TUSC3: variants seen among roughly 807,000 people sequenced by gnomAD.
The protein encoded by TUSC3 is tumor suppressor candidate 3.
A neutral mutation model predicts 44.8 loss-of-function variants in TUSC3; 45 were observed. The ratio of observed to expected loss-of-function variants is 1.00; its 90% CI spans 0.79 to 1.29. The LOEUF (loss-of-function observed/expected upper bound fraction) is 1.29, where lower values mean the gene tolerates loss of function less well. Among genes scored for constraint, TUSC3 ranks in the 50% most tolerant of loss-of-function variants. The pLI is 0.00. For synonymous variants in TUSC3, 212 were observed against 152.9 expected (o/e 1.39, Z -2.85); for missense variants, 519 against 437.9 (o/e 1.19, Z -1.65).
Position 15,548,328 on chromosome 8 carries a change from A to G in TUSC3, c.138+7760A>G, listed in dbSNP as rs149979960. Among the ~76,000 whole-genome samples the G allele has an allele frequency of 5.5e-3, 842 of 151,958 alleles. 13 individuals are homozygous for G. The highest frequency in any genetic ancestry group is 0.018 in the African/African-American group (753 of 41,524). On this transcript the variant is annotated intron_variant, in intron 1 of 10. Transcript: ENST00000503731. ...TTGCCAGCCCTAAGCAATAATTTCT[A>G]TCAGTTAAAGATCATCATTATTTCA...
chr8:15,556,024 A>G (rs1248254161), intron 1 of TUSC3, among the ~76,000 whole-genome samples: 1 of 149,966 alleles, frequency 6.7e-6, no homozygotes, highest in Non-Finnish European at 1.5e-5. Flanking sequence ...TTTTTATTAT[A>G]CTTTAAGTTT....
chr8:15,445,590 C>T (rs1353668764), intron 1 of TUSC3, among the ~76,000 whole-genome samples: 1 of 152,120 alleles, frequency 6.6e-6, no homozygotes, highest in Non-Finnish European at 1.5e-5. Flanking sequence ...TCCATTTAAC[C>T]CTGAGTGGAC....
At chr8:15,524,500 AT>A (rs1233210864) in intron 2 of TUSC3, among the ~76,000 whole-genome samples, 2 of 152,250 alleles carry the variant, frequency 1.3e-5, no homozygotes, top group African/African-American at 4.8e-5. Flanking sequence ...TAAAGCCTAT[AT>A]TTTTTTCTTA....
chr8:15,800,625 G>C, the TUSC3 span, among the ~76,000 whole-genome samples: 141 of 151,846 alleles, frequency 9.3e-4, no homozygotes, highest in Non-Finnish European at 1.6e-3. Context: ...GGGATGAGCA[G>C]ATTTCAGAGC....
chr8:15,582,956 C>T (rs926927041), intron 1 of TUSC3, among the ~76,000 whole-genome samples: 1 of 152,180 alleles, frequency 6.6e-6, no homozygotes, highest in Non-Finnish European at 1.5e-5. Flanking sequence ...GCAATTCTTG[C>T]TTCCCAAATC....
the TUSC3 span, among the ~76,000 whole-genome samples, chr8:15,845,219 G>T: frequency 3.3e-5 from 5 of 152,126 alleles, no homozygotes; most frequent in Non-Finnish European, 7.4e-5. Flanking sequence ...CTAATCAGAT[G>T]TGGGCTAAGT....
intron 1 of TUSC3, among the ~76,000 whole-genome samples, chr8:15,432,457 T>C (rs1372410206): frequency 6.6e-6 from 1 of 152,308 alleles, no homozygotes; most frequent in East Asian, 1.9e-4. Flanking sequence ...TATTCATAGT[T>C]GTCTTAATTT....
At chr8:15,549,918 C>A (rs1341654851) in intron 1 of TUSC3, among the ~76,000 whole-genome samples, 1 of 151,664 alleles carries the variant, frequency 6.6e-6, no homozygotes, top group Non-Finnish European at 1.5e-5. Context: ...CTGGGAGCAT[C>A]AGCAGACTCA....
downstream of TUSC3, among the ~76,000 whole-genome samples, chr8:15,769,380 G>T (rs970740506): frequency 2.0e-5 from 3 of 152,134 alleles, no homozygotes; most frequent in African/African-American, 7.2e-5. Flanking sequence ...GCTATATGCA[G>T]AAAACTGAAA....
intron 1 of TUSC3, among the ~76,000 whole-genome samples, chr8:15,554,078 G>T (rs1802148166): frequency 1.3e-5 from 2 of 151,580 alleles, no homozygotes; most frequent in Non-Finnish European, 2.9e-5. Flanking sequence ...CTTTCTCGGA[G>T]ATGGCACTTC....
intron 1 of TUSC3, among the ~76,000 whole-genome samples, chr8:15,481,795 C>T (rs556702913): frequency 2.6e-5 from 4 of 152,202 alleles, no homozygotes; most frequent in Admixed American, 2.0e-4. Context: ...TTTTTGCCGG[C>T]GGAGGGTCTG....
chr8:15,810,885 G>C, the TUSC3 span, among the ~76,000 whole-genome samples: 1 of 152,210 alleles, frequency 6.6e-6, no homozygotes, highest in African/African-American at 2.4e-5. Context: ...TACACCTACA[G>C]AGTCATCTTA....
chr8:15,594,441 T>C (rs1479487919), intron 1 of TUSC3, among the ~76,000 whole-genome samples: 2 of 152,190 alleles, frequency 1.3e-5, no homozygotes, highest in African/African-American at 2.4e-5. Flanking sequence ...CCTCAAAATG[T>C]TTAATTGGAT....
intron 6 of TUSC3, among the ~76,000 whole-genome samples, chr8:15,696,173 T>C (rs1809152035): frequency 6.6e-6 from 1 of 151,994 alleles, no homozygotes; most frequent in Non-Finnish European, 1.5e-5. Context: ...GAGGCAAAAA[T>C]AGTTTCGTGG....
chr8:15,712,163 T>G (rs1486153025), intron 6 of TUSC3, among the ~76,000 whole-genome samples: 2 of 151,976 alleles, frequency 1.3e-5, no homozygotes, highest in Non-Finnish European at 2.9e-5. Context: ...AAGTAATAGC[T>G]TATTTGAAAA....
At chr8:15,532,205 C>G (rs1356232165) in intron 2 of TUSC3, among the ~76,000 whole-genome samples, 2 of 151,974 alleles carry the variant, frequency 1.3e-5, no homozygotes, top group Non-Finnish European at 2.9e-5. Context: ...GTTCCTCTGC[C>G]TTTCTTTTTC....
At chr8:15,678,097 A>G (rs1026365097) in intron 6 of TUSC3, among the ~76,000 whole-genome samples, 8 of 152,182 alleles carry the variant, frequency 5.3e-5, no homozygotes, top group South Asian at 4.1e-4. Context: ...TATTTCTGCT[A>G]TGAGATCTCT....
In TUSC3 at chr8:15,429,403, T is replaced by G. The variant is rs1799844647; in HGVS notation, n.91+12098T>G. Among the ~76,000 whole-genome samples, 3 of 149,916 alleles carry G rather than the reference T, an allele frequency of 2.0e-5. No homozygotes were observed. In the South Asian group the frequency reaches 6.3e-4, roughly 32 times the overall value. On this transcript the variant is annotated intron_variant and non_coding_transcript_variant, in intron 1 of 5. Coordinates refer to the TUSC3 transcript ENST00000503191. ...TAGTATAGTTTGAAGTCAGGTAATGTGATGCCTCCAGCTTTGTTCTTTTGG... is the reference window on the plus strand; with the variant it reads ...TAGTATAGTTTGAAGTCAGGTAATGGGATGCCTCCAGCTTTGTTCTTTTGG...
At chr8:15,456,076 C>T (rs941204542) in intron 1 of TUSC3, among the ~76,000 whole-genome samples, 4 of 152,152 alleles carry the variant, frequency 2.6e-5, no homozygotes, top group Non-Finnish European at 5.9e-5. Context: ...TTTCCCACAC[C>T]CCATGATTGT....
Sources: allele counts gnomAD v4.1 joint callset (sites outside exome capture counted in the v4.1 genomes callset), GRCh38; gene constraint gnomAD v4.1.1; transcripts MANE v1.5; gene names NCBI Gene and HGNC (gene_info 2026-07-23, HGNC 2026-07-21).